Variants in AK9 observed in about 807,000 individuals in gnomAD.
AK9 encodes the protein adenylate kinase domain containing 1.
In AK9, 191 loss-of-function variants were observed where a neutral mutation model predicts 239.6. The observed-to-expected ratio is 0.80, with a 90% confidence interval of 0.71 to 0.90. AK9 has a LOEUF of 0.90. Among genes scored for constraint, AK9 ranks in the 40% least tolerant of loss-of-function variants. The pLI, the probability that AK9 is intolerant of heterozygous loss-of-function variation, is 0.00. For missense variants in AK9, 1,995 were observed against 2,214.7 expected (o/e 0.90, Z 1.99); for synonymous variants, 689 against 721.0 (o/e 0.96, Z 0.71).
At chr6:109,518,614 C>T (rs1779502748) in intron 29 of AK9, among the ~76,000 whole-genome samples, 2 of 151,856 alleles carry the variant, frequency 1.3e-5, no homozygotes, top group Admixed American at 6.6e-5. Flanking sequence ...TATTTCTACC[C>T]TCCTACCTGG....
At chr6:109,563,554 A>G in intron 24 of AK9, 43 bp downstream of exon 24, 1 of 1,541,856 alleles carries the variant, frequency 6.5e-7, no homozygotes, top group Non-Finnish European at 8.7e-7. Context: ...CATATTTTCA[A>G]TGACTTCACA....
intron 12 of AK9, 187 bp downstream of exon 12, chr6:109,632,735 CA>C (rs1796222803): frequency 1.6e-6 from 2 of 1,279,172 alleles, no homozygotes; most frequent in Non-Finnish European, 2.0e-6. Context: ...CAATAAACAA[CA>C]AAAAGAATGC....
intron 21 of AK9, among the ~76,000 whole-genome samples, chr6:109,572,913 A>G (rs1212735801): frequency 6.6e-6 from 1 of 152,054 alleles, no homozygotes; most frequent in Non-Finnish European, 1.5e-5. Flanking sequence ...GCCTTGCCCC[A>G]TCCACCAAAT....
intron 20 of AK9, among the ~76,000 whole-genome samples, chr6:109,575,752 A>G (rs1228119729): frequency 2.6e-5 from 4 of 152,080 alleles, no homozygotes; most frequent in Non-Finnish European, 5.9e-5. Flanking sequence ...GCCAATGTCT[A>G]TAATAGTTTT....
At chr6:109,603,069 G>A (rs62438267) in intron 17 of AK9, among the ~76,000 whole-genome samples, 361 of 152,282 alleles carry the variant, frequency 2.4e-3, no homozygotes, top group Admixed American at 4.9e-3. Flanking sequence ...TCTTCTCTCC[G>A]CTCGTCAAGG....
At chr6:109,497,692 A>G in intron 37 of AK9, 104 bp downstream of exon 37, 4 of 1,432,314 alleles carry the variant, frequency 2.8e-6, no homozygotes, top group Non-Finnish European at 3.8e-6. Context: ...TATTTTTCCA[A>G]TTAAACAACA....
chr6:109,533,554 T>C (rs1781555861), intron 27 of AK9, 84 bp from the exon 28 acceptor site: 27 of 1,139,194 alleles, frequency 2.4e-5, no homozygotes, highest in Non-Finnish European at 2.9e-5. Context: ...ATGATCATTA[T>C]ACAAGGTATA....
intron 3 of AK9, among the ~76,000 whole-genome samples, chr6:109,672,743 G>A (rs1203809804): frequency 6.6e-6 from 1 of 151,998 alleles, no homozygotes; most frequent in African/African-American, 2.4e-5. Context: ...CTCTGTAAAC[G>A]CCTCTGCACC....
At chr6:109,611,943 G>T in intron 16 of AK9, 67 bp downstream of exon 16, 1 of 1,050,122 alleles carries the variant, frequency 9.5e-7, no homozygotes, top group African/African-American at 1.7e-5. Flanking sequence ...TCTAAATTCT[G>T]AGGGAACTAC....
At chr6:109,602,897 T>C (rs929935286) in intron 17 of AK9, among the ~76,000 whole-genome samples, 1 of 152,232 alleles carries the variant, frequency 6.6e-6, no homozygotes, top group Non-Finnish European at 1.5e-5. Flanking sequence ...GTCACGTAGT[T>C]CTCGTGCCAT....
At chr6:109,630,593 G>A (rs1019567014) in intron 12 of AK9, among the ~76,000 whole-genome samples, 1 of 152,136 alleles carries the variant, frequency 6.6e-6, no homozygotes, top group Admixed American at 6.5e-5. Flanking sequence ...TGTAATCCCA[G>A]TGCTTTGGGA....
At chr6:109,655,048 A>C (rs1455735451) in intron 8 of AK9, among the ~76,000 whole-genome samples, 1 of 152,178 alleles carries the variant, frequency 6.6e-6, no homozygotes, top group Non-Finnish European at 1.5e-5. Flanking sequence ...TGGCTTTGAA[A>C]TACTGCTTTG....
chr6:109,547,843 T>A (rs1389371342), intron 25 of AK9, among the ~76,000 whole-genome samples: 3 of 58,922 alleles, frequency 5.1e-5, no homozygotes, highest in African/African-American at 6.6e-5. Flanking sequence ...AACAGCTCAG[T>A]AGCAAAAAAA....
At chr6:109,563,863 C>T (rs554476754) in intron 23 of AK9, among the ~76,000 whole-genome samples, 151 bp from the exon 24 acceptor site, 2 of 152,282 alleles carry the variant, frequency 1.3e-5, no homozygotes, top group Admixed American at 6.5e-5. Flanking sequence ...AAGTTCCTTA[C>T]GTGACAACTG....
chr6:109,639,642 CTTTAG>C (rs1797152884), intron 10 of AK9, among the ~76,000 whole-genome samples: 2 of 152,284 alleles, frequency 1.3e-5, no homozygotes, highest in South Asian at 4.1e-4. Context: ...GGCAGAAGCT[CTTTAG>C]TTTAATTAGA....
At chr6:109,638,487 T>A (rs1325335679) in intron 10 of AK9, among the ~76,000 whole-genome samples, 1 of 152,192 alleles carries the variant, frequency 6.6e-6, no homozygotes, top group African/African-American at 2.4e-5. Flanking sequence ...TTTTATTTTA[T>A]TTTTATTTTT....
At chr6:109,532,322 G>C (rs1162963249) in intron 28 of AK9, among the ~76,000 whole-genome samples, 1 of 152,074 alleles carries the variant, frequency 6.6e-6, no homozygotes, top group Non-Finnish European at 1.5e-5. Context: ...TCTTTCCCTT[G>C]AGGCCACGTG....
chr6:109,617,498 C>T (rs1469304132), intron 13 of AK9, among the ~76,000 whole-genome samples: 2 of 151,968 alleles, frequency 1.3e-5, no homozygotes, highest in Non-Finnish European at 2.9e-5. Flanking sequence ...GAAGTTTATA[C>T]ATACACACAC....
chr6:109,614,995 T>C (rs890849584), intron 13 of AK9, among the ~76,000 whole-genome samples: 3 of 152,232 alleles, frequency 2.0e-5, no homozygotes, highest in Non-Finnish European at 2.9e-5. Context: ...ATAGCATCTA[T>C]TGCTATATTC....
Sources: allele counts gnomAD v4.1 joint callset (sites outside exome capture counted in the v4.1 genomes callset), GRCh38; gene constraint gnomAD v4.1.1; transcripts MANE v1.5; gene names NCBI Gene and HGNC (gene_info 2026-07-23, HGNC 2026-07-21).